ZNF423: variants seen among roughly 807,000 people sequenced by gnomAD.
The protein encoded by ZNF423 is zinc finger protein 423, also known as Ebf-associated zinc finger protein.
ZNF423 carries 12 observed loss-of-function variants against 95.8 expected under a neutral mutation model. That is an observed-to-expected ratio of 0.13 (90% CI 0.08 to 0.20). The LOEUF is 0.20. ZNF423 is among the 10% of genes least tolerant of loss of function. The pLI is 1.00. For missense variants in ZNF423, 1,316 were observed against 1,737.1 expected (o/e 0.76, Z 4.31); for synonymous variants, 749 against 711.9 (o/e 1.05, Z -0.83).
chr16:49,677,768 A>AG (rs1246622179), intron 3 of ZNF423, among the ~76,000 whole-genome samples: 152 of 147,728 alleles, frequency 1.0e-3, no homozygotes, highest in African/African-American at 3.0e-3. Context: ...AAAAAAAAAA[A>AG]AGAGAGAGAG....
rs1326999136 is a variant in ZNF423 at position 49,855,882 on chromosome 16, A to G, written c.-108T>C. On this transcript the variant is annotated 5_prime_UTR_variant, in exon 1 of 8. Coordinates refer to ENST00000563137, the MANE Select transcript of ZNF423 (RefSeq NM_001379286.1). This position sits in a 1 kb window ranked among gnomAD's most constrained non-coding sequence, Gnocchi z 4.7. ...CTTCTCCTCCGCCTGTCTCTTGGAA[A>G]CTTTTTTTTTTGCAGCCCGGTTGGC... 2 of 144,554 alleles carry G rather than the reference A, an allele frequency of 1.4e-5. No homozygotes were observed. Among genetic ancestry groups the G allele is most frequent in the Non-Finnish European group, 3.0e-5 (2 of 66,248 alleles). The allele number at this position is 144,554 out of a possible 1,614,324, so 9.0% of individuals were successfully genotyped here.
At chr16:49,584,013 A>G (rs1358461800) in intron 5 of ZNF423, among the ~76,000 whole-genome samples, 1 of 152,242 alleles carries the variant, frequency 6.6e-6, no homozygotes, top group African/African-American at 2.4e-5. Context: ...AGATGCTAGA[A>G]TAAGCTCTGA....
intron 5 of ZNF423, among the ~76,000 whole-genome samples, chr16:49,601,268 C>T (rs755198361): frequency 3.9e-5 from 6 of 152,180 alleles, no homozygotes; most frequent in Non-Finnish European, 7.3e-5. Context: ...CTCTGACATC[C>T]GCTGGCTGTG....
intron 5 of ZNF423, 58 bp downstream of exon 5, chr16:49,626,112 G>A (rs544032706): frequency 8.9e-5 from 139 of 1,559,736 alleles, no homozygotes; most frequent in South Asian, 1.1e-4. Context: ...GATTGGAACC[G>A]CAAATTTAAA....
intron 4 of ZNF423, among the ~76,000 whole-genome samples, chr16:49,628,014 A>G (rs952547115): frequency 2.7e-5 from 4 of 149,622 alleles, no homozygotes; most frequent in Admixed American, 2.0e-4. Context: ...CCATCCATCT[A>G]CATACATACC....
Position 49,832,267 on chromosome 16 carries a change from C to T in ZNF423, c.40+23468G>A, listed in dbSNP as rs117968967. Among the ~76,000 whole-genome samples the T allele has an allele frequency of 1.7e-4, 26 of 152,310 alleles. No individual in the cohort carries two copies. In the East Asian group the frequency reaches 4.1e-3, roughly 24 times the overall value. On this transcript the variant is annotated intron_variant, in intron 1 of 7. Transcript: ENST00000563137. ...CCAAAATCGGGCCAAGCCAGCTGAC[C>T]GAGCTGGGCGGCGATGCTGCCTGAG...
chr16:49,696,728 A>T (rs1323216213), intron 3 of ZNF423, among the ~76,000 whole-genome samples: 2 of 147,434 alleles, frequency 1.4e-5, no homozygotes, highest in African/African-American at 5.1e-5. Flanking sequence ...ACAGCCAGGG[A>T]CCTGGCCTCA....
intron 3 of ZNF423, among the ~76,000 whole-genome samples, chr16:49,710,396 G>A (rs903740859): frequency 1.6e-4 from 25 of 152,140 alleles, no homozygotes; most frequent in South Asian, 2.1e-4. Context: ...TAGACTCTCC[G>A]GCACCCCAGG....
chr16:49,753,329 C>T (rs536417478), intron 2 of ZNF423, among the ~76,000 whole-genome samples: 2 of 151,892 alleles, frequency 1.3e-5, no homozygotes, highest in South Asian at 2.1e-4. Context: ...AGGCTAGGCG[C>T]GGTGGCTCAC....
intron 3 of ZNF423, among the ~76,000 whole-genome samples, chr16:49,705,843 C>T (rs1046345067): frequency 3.9e-5 from 6 of 152,160 alleles, no homozygotes; most frequent in Non-Finnish European, 7.3e-5. Context: ...CCACTGCGCC[C>T]GGCCCCACAG....
Position 49,822,692 on chromosome 16 carries a change from C to G in ZNF423, c.40+33043G>C, listed in dbSNP as rs200808777. The G allele has an allele frequency of 3.0e-5, 48 of 1,611,996 alleles. No individual in the cohort carries two copies. In the East Asian group the frequency reaches 5.4e-4, roughly 18 times the overall value. ...CACCCCTCTTCTTATGCATCCATGTCTTTCTTCTTTTACAGGGTAAAATCC... is the reference window on the plus strand; with the variant it reads ...CACCCCTCTTCTTATGCATCCATGTGTTTCTTCTTTTACAGGGTAAAATCC... On this transcript the variant is annotated intron_variant, in intron 1 of 7. Transcript: ENST00000563137.
At chr16:49,773,117 G>A (rs1447681492) in intron 2 of ZNF423, among the ~76,000 whole-genome samples, 1 of 152,130 alleles carries the variant, frequency 6.6e-6, no homozygotes, top group Non-Finnish European at 1.5e-5. Flanking sequence ...TCAGGAGTTC[G>A]AGACCAGCCT....
intron 5 of ZNF423, among the ~76,000 whole-genome samples, chr16:49,535,360 G>A (rs539476568): frequency 2.0e-5 from 3 of 152,240 alleles, no homozygotes; most frequent in East Asian, 1.9e-4. Flanking sequence ...TCCACCTCCC[G>A]CCTCTCTGAG....
rs370325691 is a variant in ZNF423 at position 49,644,157 on chromosome 16, G to A, written c.302-5283C>T. Among the ~76,000 whole-genome samples the A allele has an allele frequency of 7.9e-5, 12 of 152,332 alleles. No individual in the cohort carries two copies. In the East Asian group the frequency reaches 2.1e-3, roughly 27 times the overall value. ...GAGTGACTGGCCCACAGACTCACAG[G>A]AGTGGGCCGAAAGGGAACCTTCCTG... On this transcript the variant is annotated intron_variant, in intron 3 of 7. Coordinates refer to ENST00000563137, the MANE Select transcript of ZNF423 (RefSeq NM_001379286.1).
intron 3 of ZNF423, among the ~76,000 whole-genome samples, chr16:49,703,887 C>T (rs910575194): frequency 8.5e-5 from 13 of 152,148 alleles, no homozygotes; most frequent in Admixed American, 2.0e-4. Context: ...GCCCAGTGCC[C>T]GGCACATAAG....
At position 49,730,619 on chromosome 16, in the gene ZNF423, C is replaced by T. The variant is rs374651853; in HGVS notation, c.301+152G>A. 3.3e-4 allele frequency: 254 copies of T among 777,254 alleles called. No homozygotes were observed. In the East Asian group the frequency reaches 5.3e-3, roughly 16 times the overall value. The allele number at this position is 777,254 out of a possible 1,614,324, so 48.1% of individuals were successfully genotyped here. ...TTTATTTTTAATTGTATTTAAAAGG[C>T]GGATACAGGGTACCCAAGACACCAC... is the stretch of plus-strand genomic sequence containing the variant. On this transcript the variant is annotated intron_variant, in intron 3 of 7. Transcript: ENST00000563137.
Position 49,636,968 on chromosome 16 carries a change from G to T in ZNF423, c.2208C>A (p.Val736=), listed in dbSNP as rs894972829. The T allele has an allele frequency of 4.3e-6, 7 of 1,613,716 alleles. No individual in the cohort carries two copies. The Admixed American group carries it at 1.0e-4, about 23-fold the overall frequency. ...CCTGGATGGACACCTTGGAGTCGAA[G>T]ACCTCCTGACACAGGGTGCAGTGGT... The part of the protein sequence containing the change: ...VLYHCTLCQE[V]FDSKVSIQVH... The change falls in exon 4 of 8, where the codon GTC becomes GTA. Residue 736 remains valine, a synonymous_variant. Coordinates refer to ENST00000563137, the MANE Select transcript of ZNF423 (RefSeq NM_001379286.1). The surrounding 1 kb of genome is among the most constrained non-coding windows in gnomAD (Gnocchi z 8.6).
At chr16:49,692,766 C>T (rs980603565) in intron 3 of ZNF423, among the ~76,000 whole-genome samples, 3 of 152,224 alleles carry the variant, frequency 2.0e-5, no homozygotes, top group Non-Finnish European at 2.9e-5. Flanking sequence ...AACATATGCC[C>T]ACATCTATTC....
intron 1 of ZNF423, among the ~76,000 whole-genome samples, chr16:49,793,590 G>T (rs2034450041): frequency 6.6e-6 from 1 of 152,242 alleles, no homozygotes; most frequent in Non-Finnish European, 1.5e-5. Context: ...TCCTGTGGAT[G>T]ATGGGCATTT....
Sources: allele counts gnomAD v4.1 joint callset (sites outside exome capture counted in the v4.1 genomes callset), GRCh38; gene constraint gnomAD v4.1.1; non-coding constraint Gnocchi (gnomAD v3.1); transcripts MANE v1.5; gene names NCBI Gene and HGNC (gene_info 2026-07-23, HGNC 2026-07-21).